EXT1: variants seen among roughly 807,000 people sequenced by gnomAD.
The protein encoded by EXT1 is exostosin glycosyltransferase 1.
In EXT1, 20 loss-of-function variants were observed where a neutral mutation model predicts 82.5. That is an observed-to-expected ratio of 0.24 (90% CI 0.17 to 0.35). The LOEUF (loss-of-function observed/expected upper bound fraction) is 0.35, where lower values mean the gene tolerates loss of function less well. Among genes scored for constraint, EXT1 ranks in the 10% least tolerant of loss-of-function variants. The probability of loss-of-function intolerance (pLI) is 1.00; values close to 1 mark genes in which losing one functional copy is unlikely to be tolerated. For synonymous variants in EXT1, 348 were observed against 350.8 expected, an observed-to-expected ratio of 0.99 and a Z score of 0.09; for missense variants, 757 against 936.5, an observed-to-expected ratio of 0.81 and a Z score of 2.50.
intron 1 of EXT1, among the ~76,000 whole-genome samples, chr8:117,935,756 T>A (rs1814147686): frequency 6.6e-6 from 1 of 152,196 alleles, no homozygotes; most frequent in Non-Finnish European, 1.5e-5. Context: ...AATTATTATT[T>A]TTATTTTAAT....
At chr8:117,991,153 C>T (rs1056126413) in intron 1 of EXT1, among the ~76,000 whole-genome samples, 1 of 151,638 alleles carries the variant, frequency 6.6e-6, no homozygotes, top group Non-Finnish European at 1.5e-5. Context: ...GTCACCCAGA[C>T]TAGATGGAGT....
intron 1 of EXT1, among the ~76,000 whole-genome samples, chr8:117,894,355 T>C (rs1393387168): frequency 2.0e-5 from 3 of 152,206 alleles, no homozygotes; most frequent in East Asian, 3.9e-4. Flanking sequence ...AAATACCCCT[T>C]GGAATATTTC....
At chr8:117,828,718 A>AG (rs1271536730) in intron 4 of EXT1, among the ~76,000 whole-genome samples, 1 of 152,208 alleles carries the variant, frequency 6.6e-6, no homozygotes, top group East Asian at 1.9e-4. Flanking sequence ...GCTTGCAGGA[A>AG]GGAAGCCCTT....
chr8:118,083,923 G>A (rs988086640), intron 1 of EXT1, among the ~76,000 whole-genome samples: 7 of 152,086 alleles, frequency 4.6e-5, no homozygotes, highest in African/African-American at 7.2e-5. Flanking sequence ...CAGCTACTCC[G>A]AAGGCTGAGG....
In EXT1 at chr8:117,794,999, C is replaced by T. The variant is rs1823070308; in HGVS notation, c.*4713G>A. On this transcript the variant is annotated 3_prime_UTR_variant, in exon 11 of 11. Coordinates refer to ENST00000378204, the MANE Select transcript of EXT1 (RefSeq NM_000127.3). ...ATAGCCCTAGTTTTAGTAATAGTTA[C>T]AACCGAAAGGACAGGGATGTATTCC... is the stretch of plus-strand genomic sequence containing the variant. 6.6e-6 allele frequency: 1 copy of T among 152,190 alleles called. No individual in the cohort carries two copies. The highest frequency in any genetic ancestry group is 2.1e-4 in the South Asian group (1 of 4,824). 9.4% of individuals were successfully genotyped at this position (152,190 alleles called of 1,614,324 possible).
intron 1 of EXT1, among the ~76,000 whole-genome samples, chr8:118,098,681 C>T (rs1204061259): frequency 6.6e-6 from 1 of 151,370 alleles, no homozygotes; most frequent in East Asian, 1.9e-4. Context: ...ATGGCATGAA[C>T]CCGGGAGGCG....
chr8:117,871,767 A>C (rs144401942), intron 1 of EXT1, among the ~76,000 whole-genome samples: 37 of 152,090 alleles, frequency 2.4e-4, no homozygotes, highest in African/African-American at 8.9e-4. Flanking sequence ...GTCTTCTAAA[A>C]CTGCTTCCAC....
chr8:118,091,384 A>G (rs1817520815), intron 1 of EXT1, among the ~76,000 whole-genome samples: 1 of 152,234 alleles, frequency 6.6e-6, no homozygotes, highest in South Asian at 2.1e-4. Flanking sequence ...ATATAGAGAT[A>G]TGGATATATA....
intron 1 of EXT1, among the ~76,000 whole-genome samples, chr8:118,079,117 G>A (rs111432078): frequency 4.0e-4 from 61 of 152,164 alleles, no homozygotes; most frequent in South Asian, 2.3e-3. Context: ...ATATACTGAC[G>A]AATCAGGAAA....
At chr8:118,088,403 G>A (rs1205747326) in intron 1 of EXT1, among the ~76,000 whole-genome samples, 1 of 151,644 alleles carries the variant, frequency 6.6e-6, no homozygotes, top group South Asian at 2.1e-4. Flanking sequence ...AAAATGCAAC[G>A]AGATTTCTGG....
chr8:117,929,144 T>C lies in EXT1; in HGVS notation c.963-91943A>G, dbSNP rs556108111. 3.4e-4 allele frequency among the ~76,000 whole-genome samples: 52 copies of C among 152,318 alleles called. No individual in the cohort carries two copies. The South Asian group carries it at 9.7e-3, about 29-fold the overall frequency. ...ACAGTGCATGGAAGAGTGCTATATA[T>C]ACAGTAAGTACTCAATAAGTATTTT... On this transcript the variant is annotated intron_variant, in intron 1 of 10. Coordinates refer to ENST00000378204, the MANE Select transcript of EXT1 (RefSeq NM_000127.3).
At chr8:117,856,257 T>C (rs1812554250) in intron 1 of EXT1, among the ~76,000 whole-genome samples, 1 of 147,074 alleles carries the variant, frequency 6.8e-6, no homozygotes, top group Non-Finnish European at 1.5e-5. Context: ...TTTTTCTTTT[T>C]TTTTTTTTTT....
intron 1 of EXT1, among the ~76,000 whole-genome samples, chr8:117,989,403 T>A (rs1815389460): frequency 6.6e-6 from 1 of 152,186 alleles, no homozygotes; most frequent in South Asian, 2.1e-4. Flanking sequence ...GTTTTTTGTC[T>A]GTCTGCCTCC....
chr8:118,062,531 C>T (rs182177556), intron 1 of EXT1, among the ~76,000 whole-genome samples: 10 of 152,156 alleles, frequency 6.6e-5, no homozygotes, highest in African/African-American at 2.4e-4. Flanking sequence ...GTATCACCAG[C>T]TTGTGAAAAG....
chr8:118,070,083 T>C (rs1442827369), intron 1 of EXT1, among the ~76,000 whole-genome samples: 1 of 152,194 alleles, frequency 6.6e-6, no homozygotes, highest in African/African-American at 2.4e-5. Flanking sequence ...CATAAAAATA[T>C]TTATAAACTT....
chr8:117,844,502 T>C (rs1243760529), intron 1 of EXT1, among the ~76,000 whole-genome samples: 1 of 152,112 alleles, frequency 6.6e-6, no homozygotes, highest in Non-Finnish European at 1.5e-5. Flanking sequence ...CATGCAGTCG[T>C]ACGGAATTGC....
At position 117,819,813 on chromosome 8, in the gene EXT1, T is replaced by C. The variant is rs1811893763; in HGVS notation, c.1418-19A>G. Reference sequence around the variant, plus strand: ...TTTAAACCTGAAATAAAAAGGAGAGTAGAGCCTAATGAAGCGCTGGAAAGC... The same window carrying C: ...TTTAAACCTGAAATAAAAAGGAGAGCAGAGCCTAATGAAGCGCTGGAAAGC... On this transcript the variant is annotated intron_variant, in intron 5 of 10. Coordinates refer to ENST00000378204, the MANE Select transcript of EXT1 (RefSeq NM_000127.3). 5 of 1,601,670 alleles carry C rather than the reference T, an allele frequency of 3.1e-6. No homozygotes were observed. Among genetic ancestry groups the C allele is most frequent in the Non-Finnish European group, 4.3e-6 (5 of 1,169,574 alleles).
At chr8:118,051,575 C>T (rs978883504) in intron 1 of EXT1, among the ~76,000 whole-genome samples, 2 of 152,108 alleles carry the variant, frequency 1.3e-5, no homozygotes, top group African/African-American at 2.4e-5. Flanking sequence ...CAACCCTGGC[C>T]AGGGATCAGT....
chr8:117,933,104 A>T (rs992698941), intron 1 of EXT1, among the ~76,000 whole-genome samples: 3 of 151,856 alleles, frequency 2.0e-5, no homozygotes, highest in Admixed American at 6.6e-5. Context: ...TCTATGCTAC[A>T]CTCACTTTTC....
Sources: gnomAD v4.1 joint callset for allele counts (sites outside exome capture counted in the v4.1 genomes callset) on GRCh38, gnomAD v4.1.1 for gene constraint, MANE v1.5 for transcripts, NCBI Gene and HGNC (gene_info 2026-07-23, HGNC 2026-07-21) for gene names.